Variants in SRGAP3 observed in about 807,000 individuals in gnomAD.
The protein encoded by SRGAP3 is SLIT-ROBO Rho GTPase activating protein 3.
A neutral mutation model predicts 121.1 loss-of-function variants in SRGAP3; 39 were observed. The ratio of observed to expected loss-of-function variants is 0.32; its 90% CI spans 0.25 to 0.42. The LOEUF is 0.42. Among genes scored for constraint, SRGAP3 ranks in the 10% least tolerant of loss-of-function variants. SRGAP3 has a pLI of 1.00. For synonymous variants in SRGAP3, 601 were observed against 570.0 expected (o/e 1.05, Z -0.77); for missense variants, 1,213 against 1,470.6 (o/e 0.82, Z 2.86).
intron 1 of SRGAP3, among the ~76,000 whole-genome samples, chr3:9,128,086 A>C (rs1345044000): frequency 6.6e-6 from 1 of 152,136 alleles, no homozygotes; most frequent in African/African-American, 2.4e-5. Flanking sequence ...ATAAAGTCTC[A>C]GGCCCCAGCC....
chr3:9,308,868 C>T (rs1356096533), intron 3 of SRGAP3, among the ~76,000 whole-genome samples: 3 of 152,162 alleles, frequency 2.0e-5, no homozygotes, highest in East Asian at 1.9e-4. Flanking sequence ...CGATCATGTA[C>T]ACCCTTGCCC....
At chr3:9,316,543 C>T (rs1358054932) in intron 3 of SRGAP3, among the ~76,000 whole-genome samples, 3 of 151,976 alleles carry the variant, frequency 2.0e-5, no homozygotes, top group Non-Finnish European at 4.4e-5. Flanking sequence ...CCTTGCAGTC[C>T]CAGCTACTCG....
chr3:9,135,908 C>T (rs1949627669), intron 1 of SRGAP3, among the ~76,000 whole-genome samples: 1 of 152,330 alleles, frequency 6.6e-6, no homozygotes, highest in South Asian at 2.1e-4. Flanking sequence ...ATACCTTCCC[C>T]CCTGGGGTTG....
chr3:9,335,031 C>T (rs1955669331), intron 1 of SRGAP3, among the ~76,000 whole-genome samples: 1 of 152,176 alleles, frequency 6.6e-6, no homozygotes, highest in African/African-American at 2.4e-5. Context: ...GGAACTCTGC[C>T]AATTGTATCA....
At position 8,985,638 on chromosome 3, in the gene SRGAP3, G is replaced by A. The variant is rs200901948; in HGVS notation, c.3181C>T (p.Arg1061Trp). The A allele has an allele frequency of 1.3e-6, 2 of 1,594,840 alleles. No homozygotes were observed. The highest frequency in any genetic ancestry group is 8.5e-7 in the Non-Finnish European group (1 of 1,177,544). ...CTGGACCGGTGCTGGACCACCGGCC[G>A]CACGGGCCGCATGGGGGGCGGGCGG... is the stretch of plus-strand genomic sequence containing the variant. ...QLRPPPMRPV[R>W]PVVQHRSSSS... Residue 1061 changes from arginine to tryptophan, a missense_variant, in exon 22 of 22, where the codon CGG (arginine) becomes TGG (tryptophan). Coordinates refer to ENST00000383836, the MANE Select transcript of SRGAP3 (RefSeq NM_014850.4). This position sits in a 1 kb window ranked among gnomAD's most constrained non-coding sequence, Gnocchi z 5.1.
At chr3:9,081,406 G>C (rs1245767820) in intron 3 of SRGAP3, 2 of 387,958 alleles carry the variant, frequency 5.2e-6, no homozygotes, top group African/African-American at 4.2e-5. Context: ...GTGTGGCCTT[G>C]GAGAATCACT....
intron 1 of SRGAP3, among the ~76,000 whole-genome samples, chr3:9,201,412 C>A (rs1952064520): frequency 6.6e-6 from 1 of 152,220 alleles, no homozygotes; most frequent in Non-Finnish European, 1.5e-5. Context: ...GAAAACTTGC[C>A]TGCTGAGACA....
At chr3:9,327,637 G>C (rs948970379) in intron 2 of SRGAP3, among the ~76,000 whole-genome samples, 10 of 152,222 alleles carry the variant, frequency 6.6e-5, no homozygotes, top group Non-Finnish European at 1.2e-4. Context: ...GATAAGGTCT[G>C]ACTCTTTCCA....
intron 1 of SRGAP3, among the ~76,000 whole-genome samples, chr3:9,163,019 A>T (rs941582691): frequency 6.6e-6 from 1 of 152,212 alleles, no homozygotes; most frequent in Admixed American, 6.5e-5. Context: ...TGCATCCATA[A>T]AAAGAGGGAG....
intron 4 of SRGAP3, among the ~76,000 whole-genome samples, chr3:9,077,412 G>T (rs1405758028): frequency 6.6e-6 from 1 of 152,154 alleles, no homozygotes; most frequent in African/African-American, 2.4e-5. Flanking sequence ...TAAAGACTCA[G>T]TGTGCAGGCA....
intron 1 of SRGAP3, among the ~76,000 whole-genome samples, chr3:9,223,739 A>T (rs1173925233): frequency 1.3e-5 from 2 of 152,202 alleles, no homozygotes; most frequent in African/African-American, 4.8e-5. Flanking sequence ...ACCAGCCATT[A>T]TGAGGACAGA....
chr3:9,189,760 C>T (rs541585542), intron 1 of SRGAP3, among the ~76,000 whole-genome samples: 1 of 152,256 alleles, frequency 6.6e-6, no homozygotes, highest in South Asian at 2.1e-4. Context: ...TGATTGAGTC[C>T]ACCCCTGTCA....
At chr3:9,222,681 T>C (rs567408844) in intron 1 of SRGAP3, among the ~76,000 whole-genome samples, 264 of 152,364 alleles carry the variant, frequency 1.7e-3, no homozygotes, top group Middle Eastern at 6.8e-3. Flanking sequence ...GGCTAACTTA[T>C]CCATCAACCA....
intron 14 of SRGAP3, chr3:9,016,089 A>G (rs1943624380): frequency 3.2e-6 from 1 of 308,860 alleles, no homozygotes; most frequent in Non-Finnish European, 6.2e-6. Flanking sequence ...TAACTACTTC[A>G]ACACACTTCT....
intron 3 of SRGAP3, among the ~76,000 whole-genome samples, chr3:9,299,359 CAA>C (rs35608018): frequency 0.012 from 1,122 of 91,214 alleles, no homozygotes; most frequent in Middle Eastern, 0.019. Context: ...GACTCCGTCC[CAA>C]AAAAAAAAAA....
intron 1 of SRGAP3, among the ~76,000 whole-genome samples, chr3:9,247,474 A>G (rs1953864580): frequency 6.6e-6 from 1 of 151,864 alleles, no homozygotes; most frequent in African/African-American, 2.4e-5. Flanking sequence ...GTGAGACTGG[A>G]AAAAAAACAG....
intron 3 of SRGAP3, among the ~76,000 whole-genome samples, chr3:9,266,426 C>G (rs1954369803): frequency 6.6e-6 from 1 of 151,960 alleles, no homozygotes; most frequent in South Asian, 2.1e-4. Context: ...ATTGTTTAGG[C>G]AGAGCCACCT....
Position 9,049,145 on chromosome 3 carries a change from T to C in SRGAP3, c.1324-1670A>G, listed in dbSNP as rs17049992. ...GGCTCAGACACCCCCAAGTCAACTATAGAGGAGGGCCTCTAACATCACCAC... is the reference window on the plus strand; with the variant it reads ...GGCTCAGACACCCCCAAGTCAACTACAGAGGAGGGCCTCTAACATCACCAC... On this transcript the variant is annotated intron_variant, in intron 9 of 21. Coordinates refer to ENST00000383836, the MANE Select transcript of SRGAP3 (RefSeq NM_014850.4). 1,281 of 303,412 alleles carry C rather than the reference T, an allele frequency of 4.2e-3. 13 individuals carry two copies. The highest frequency in any genetic ancestry group is 0.026 in the African/African-American group (1,213 of 46,378). 18.8% of individuals were successfully genotyped at this position (303,412 alleles called of 1,614,324 possible). A position where few individuals can be genotyped will look rare whatever the true frequency, so the allele number is the denominator to read the frequency against.
intron 1 of SRGAP3, among the ~76,000 whole-genome samples, chr3:9,215,280 G>A (rs993023397): frequency 6.6e-6 from 1 of 152,244 alleles, no homozygotes; most frequent in East Asian, 1.9e-4. Context: ...TGAAATCTAC[G>A]CTGTTCGGCC....
Sources: gnomAD v4.1 joint callset for allele counts (sites outside exome capture counted in the v4.1 genomes callset) on GRCh38, gnomAD v4.1.1 for gene constraint, Gnocchi (gnomAD v3.1) non-coding constraint, MANE v1.5 for transcripts, NCBI Gene and HGNC (gene_info 2026-07-23, HGNC 2026-07-21) for gene names.